Variants in SCFD2 observed in about 807,000 individuals in gnomAD.
The protein encoded by SCFD2 is sec1 family domain-containing protein 2.
SCFD2 carries 54 observed loss-of-function variants against 58.9 expected under a neutral mutation model. That is an observed-to-expected ratio of 0.92 (90% CI 0.74 to 1.15). SCFD2 has a LOEUF of 1.15. Ranked by LOEUF, SCFD2 falls within the 50% of genes most tolerant of loss-of-function variation. The pLI, the probability that SCFD2 is intolerant of heterozygous loss-of-function variation, is 0.00. For missense variants in SCFD2, 805 were observed against 836.6 expected (o/e 0.96, Z 0.47); for synonymous variants, 321 against 335.9 (o/e 0.96, Z 0.49).
At chr4:53,176,651 A>T (rs1427006235) in intron 4 of SCFD2, among the ~76,000 whole-genome samples, 1 of 152,242 alleles carries the variant, frequency 6.6e-6, no homozygotes, top group African/African-American at 2.4e-5. Flanking sequence ...TGGGTGGGTC[A>T]GACAGAAACA....
intron 3 of SCFD2, among the ~76,000 whole-genome samples, chr4:53,289,174 G>A (rs1276171039): frequency 6.6e-6 from 1 of 152,120 alleles, no homozygotes; most frequent in Non-Finnish European, 1.5e-5. Context: ...AGACCAGCCT[G>A]ACCAACATGG....
intron 5 of SCFD2, among the ~76,000 whole-genome samples, chr4:52,962,733 C>G (rs1246678918): frequency 2.0e-5 from 3 of 152,204 alleles, no homozygotes; most frequent in Non-Finnish European, 4.4e-5. Context: ...CTTCTTGCCT[C>G]CCTGTCCGTC....
At chr4:53,055,419 G>A (rs12331878) in intron 5 of SCFD2, among the ~76,000 whole-genome samples, 3,282 of 152,200 alleles carry the variant, frequency 0.022, 121 homozygotes, top group African/African-American at 0.076. Flanking sequence ...GCATTTAAAC[G>A]TTCACAGCTG....
At chr4:52,904,241 T>C (rs997333543) in intron 7 of SCFD2, among the ~76,000 whole-genome samples, 1 of 152,206 alleles carries the variant, frequency 6.6e-6, no homozygotes, top group African/African-American at 2.4e-5. Context: ...TTTCAAGTTC[T>C]AGAATTATCC....
chr4:53,295,800 A>T (rs1732009612), intron 3 of SCFD2, among the ~76,000 whole-genome samples: 1 of 152,248 alleles, frequency 6.6e-6, no homozygotes, highest in African/African-American at 2.4e-5. Flanking sequence ...CAATATTTTG[A>T]GATACATTAC....
chr4:52,890,832 C>T (rs1269302509), intron 7 of SCFD2, among the ~76,000 whole-genome samples: 4 of 152,160 alleles, frequency 2.6e-5, no homozygotes, highest in South Asian at 2.1e-4. Context: ...TGTTGATTGT[C>T]GTCTATCACT....
intron 4 of SCFD2, among the ~76,000 whole-genome samples, chr4:53,153,108 A>G (rs1726561055): frequency 6.6e-6 from 1 of 152,158 alleles, no homozygotes; most frequent in Non-Finnish European, 1.5e-5. Context: ...TGCAGTCTGG[A>G]GGATGGTGCC....
chr4:53,225,638 T>C (rs764076011), intron 4 of SCFD2, among the ~76,000 whole-genome samples: 1 of 152,252 alleles, frequency 6.6e-6, no homozygotes, highest in Non-Finnish European at 1.5e-5. Flanking sequence ...AAAGGGCGAC[T>C]ACCTGACATA....
At chr4:53,330,684 C>A (rs1422449394) in intron 2 of SCFD2, among the ~76,000 whole-genome samples, 12 of 151,928 alleles carry the variant, frequency 7.9e-5, no homozygotes, top group Non-Finnish European at 2.9e-5. Context: ...GAAACTGCAT[C>A]AACTAACGAG....
At chr4:53,003,597 A>C (rs113931196) in intron 5 of SCFD2, among the ~76,000 whole-genome samples, 4 of 152,226 alleles carry the variant, frequency 2.6e-5, no homozygotes, top group African/African-American at 7.2e-5. Context: ...CTGTCATTAA[A>C]TGTTAGAGTA....
chr4:53,210,147 T>C (rs1355270360), intron 4 of SCFD2, among the ~76,000 whole-genome samples: 2 of 152,100 alleles, frequency 1.3e-5, no homozygotes, highest in African/African-American at 2.4e-5. Flanking sequence ...ATAATAGATA[T>C]CTGTACTGGA....
intron 5 of SCFD2, among the ~76,000 whole-genome samples, chr4:52,999,259 C>T (rs183110870): frequency 3.5e-4 from 53 of 152,324 alleles, no homozygotes; most frequent in African/African-American, 1.3e-3. Flanking sequence ...CCTAATTTCA[C>T]AGGACAAAAG....
intron 5 of SCFD2, among the ~76,000 whole-genome samples, chr4:53,139,768 G>C (rs1577767719): frequency 6.6e-6 from 1 of 152,256 alleles, no homozygotes; most frequent in Non-Finnish European, 1.5e-5. Context: ...AATAGAAAGG[G>C]GGGATGTGTG....
At chr4:52,937,549 C>T (rs1720171843) in intron 5 of SCFD2, among the ~76,000 whole-genome samples, 1 of 152,156 alleles carries the variant, frequency 6.6e-6, no homozygotes, top group Non-Finnish European at 1.5e-5. Context: ...CTCCTCCATC[C>T]CTTCCCGACA....
intron 4 of SCFD2, among the ~76,000 whole-genome samples, chr4:53,248,695 G>A (rs981092242): frequency 4.6e-5 from 7 of 152,026 alleles, no homozygotes; most frequent in Non-Finnish European, 1.0e-4. Flanking sequence ...TACTCCTCAG[G>A]GTCTGGAGTA....
intron 5 of SCFD2, among the ~76,000 whole-genome samples, chr4:52,985,854 T>A (rs563440979): frequency 6.6e-6 from 1 of 151,614 alleles, no homozygotes; most frequent in Non-Finnish European, 1.5e-5. Context: ...AAGCCCTACA[T>A]GTACTAGGAA....
intron 3 of SCFD2, among the ~76,000 whole-genome samples, chr4:53,298,894 A>G (rs1224490531): frequency 2.0e-5 from 3 of 152,238 alleles, no homozygotes; most frequent in Non-Finnish European, 4.4e-5. Flanking sequence ...CCTGACTGTT[A>G]GAAGGAAAAC....
intron 5 of SCFD2, among the ~76,000 whole-genome samples, chr4:53,025,473 C>A (rs1722450259): frequency 1.3e-5 from 2 of 152,058 alleles, no homozygotes; most frequent in Admixed American, 6.6e-5. Context: ...CTAGTAAGTA[C>A]AATTTAGAGA....
intron 5 of SCFD2, among the ~76,000 whole-genome samples, chr4:53,097,457 A>G (rs1251920479): frequency 1.3e-5 from 2 of 152,002 alleles, no homozygotes. Flanking sequence ...ATTCCTAGGT[A>G]TTTTATTCTC....
Sources: gnomAD v4.1 joint callset for allele counts (sites outside exome capture counted in the v4.1 genomes callset) on GRCh38, gnomAD v4.1.1 for gene constraint, MANE v1.5 for transcripts, NCBI Gene and HGNC (gene_info 2026-07-23, HGNC 2026-07-21) for gene names.